STK39: variants seen among roughly 807,000 people sequenced by gnomAD.
The protein encoded by STK39 is serine/threonine kinase 39.
A neutral mutation model predicts 77.8 loss-of-function variants in STK39; 20 were observed. That is an observed-to-expected ratio of 0.26 (90% confidence interval 0.18 to 0.37). STK39 has a LOEUF of 0.37. Ranked by LOEUF, STK39 falls within the 10% of genes least tolerant of loss-of-function variation. STK39 has a pLI of 1.00. For missense variants in STK39, 479 were observed against 656.5 expected (o/e 0.73, Z 2.95); for synonymous variants, 246 against 234.1 (o/e 1.05, Z -0.47).
chr2:168,236,191 T>G (rs920327829), intron 1 of STK39, among the ~76,000 whole-genome samples: 1 of 152,218 alleles, frequency 6.6e-6, no homozygotes, highest in Non-Finnish European at 1.5e-5. Flanking sequence ...TCATTTGCAT[T>G]TCTCTGATAG....
intron 14 of STK39, among the ~76,000 whole-genome samples, chr2:168,030,763 A>C (rs1327681546): frequency 1.3e-5 from 2 of 152,192 alleles, no homozygotes; most frequent in Non-Finnish European, 1.5e-5. Context: ...AGGATGAATG[A>C]CCCTTGGGCA....
intron 10 of STK39, among the ~76,000 whole-genome samples, chr2:168,079,022 C>T (rs559917627): frequency 6.6e-6 from 1 of 152,310 alleles, no homozygotes; most frequent in East Asian, 1.9e-4. Context: ...AGGCATACTA[C>T]TGATGAGAAG....
chr2:168,222,355 T>G (rs1690194363), intron 1 of STK39, among the ~76,000 whole-genome samples: 1 of 152,204 alleles, frequency 6.6e-6, no homozygotes, highest in African/African-American at 2.4e-5. Context: ...TGCTGCTTTA[T>G]GCAACTTATT....
chr2:168,145,203 G>A (rs1229814320), intron 5 of STK39, among the ~76,000 whole-genome samples: 1 of 152,172 alleles, frequency 6.6e-6, no homozygotes, highest in Non-Finnish European at 1.5e-5. Context: ...CAAAGCACAA[G>A]TGTGGAGCCA....
chr2:168,218,037 T>G (rs1057360406), intron 1 of STK39, among the ~76,000 whole-genome samples: 3 of 152,212 alleles, frequency 2.0e-5, no homozygotes, highest in Non-Finnish European at 2.9e-5. Flanking sequence ...CTAAGATATG[T>G]AGGATCATAT....
chr2:168,140,084 T>G (rs1455644132), intron 7 of STK39, among the ~76,000 whole-genome samples: 1 of 152,218 alleles, frequency 6.6e-6, no homozygotes, highest in Non-Finnish European at 1.5e-5. Context: ...GTGCTGAGAC[T>G]ATAAAGCAAG....
chr2:168,217,707 G>A (rs1690060938), intron 1 of STK39, among the ~76,000 whole-genome samples: 1 of 152,118 alleles, frequency 6.6e-6, no homozygotes, highest in African/African-American at 2.4e-5. Flanking sequence ...TATGTAAACA[G>A]ATGTTATACT....
At chr2:168,080,952 C>T (rs1401785848) in intron 10 of STK39, among the ~76,000 whole-genome samples, 1 of 152,210 alleles carries the variant, frequency 6.6e-6, no homozygotes. Context: ...AAGTCAAGAA[C>T]TGGGAACCTC....
intron 5 of STK39, among the ~76,000 whole-genome samples, chr2:168,145,368 GGA>G (rs1360776687): frequency 1.3e-5 from 2 of 152,110 alleles, no homozygotes; most frequent in Non-Finnish European, 2.9e-5. Context: ...GGAGACTTTA[GGA>G]GTGCTGGGCC....
intron 2 of STK39, among the ~76,000 whole-genome samples, chr2:168,169,078 A>G (rs544678927): frequency 6.6e-6 from 1 of 152,212 alleles, no homozygotes; most frequent in Non-Finnish European, 1.5e-5. Flanking sequence ...TCAGTATATA[A>G]CAATGATTTT....
intron 10 of STK39, among the ~76,000 whole-genome samples, chr2:168,085,657 G>A (rs1209270783): frequency 6.6e-6 from 1 of 152,192 alleles, no homozygotes; most frequent in African/African-American, 2.4e-5. Context: ...TGGAAGAGAT[G>A]TAAGTTGTTG....
At chr2:168,093,055 C>A (rs1183975812) in intron 10 of STK39, among the ~76,000 whole-genome samples, 1 of 152,182 alleles carries the variant, frequency 6.6e-6, no homozygotes. Context: ...GGAAGCCCTG[C>A]AAGAATCTCT....
chr2:168,118,720 C>CA (rs1212899090), intron 10 of STK39, among the ~76,000 whole-genome samples: 1 of 152,040 alleles, frequency 6.6e-6, no homozygotes, highest in African/African-American at 2.4e-5. Flanking sequence ...AATTCACCCC[C>CA]AGTGCGAACA....
intron 16 of STK39, among the ~76,000 whole-genome samples, chr2:168,001,316 C>T (rs906681073): frequency 4.0e-5 from 6 of 148,478 alleles, no homozygotes; most frequent in Non-Finnish European, 7.4e-5. Context: ...TGGGCACAAA[C>T]GTTGATGATA....
intron 16 of STK39, among the ~76,000 whole-genome samples, chr2:167,998,922 G>C (rs922138111): frequency 6.6e-6 from 1 of 152,340 alleles, no homozygotes; most frequent in South Asian, 2.1e-4. Context: ...AAACGCGTCT[G>C]AAGGAAAGCA....
At chr2:168,013,592 T>A (rs1318180213) in intron 15 of STK39, among the ~76,000 whole-genome samples, 1 of 152,200 alleles carries the variant, frequency 6.6e-6, no homozygotes, top group East Asian at 1.9e-4. Context: ...AAGAAGAAAC[T>A]GGCTCAGCAG....
At chr2:168,007,737 G>C (rs2105306828) in intron 16 of STK39, among the ~76,000 whole-genome samples, 1 of 152,216 alleles carries the variant, frequency 6.6e-6, no homozygotes, top group South Asian at 2.1e-4. Context: ...GGCTGGGGTG[G>C]GGTGAGCAAG....
At chr2:168,040,354 A>G (rs1685072062) in intron 14 of STK39, among the ~76,000 whole-genome samples, 1 of 152,232 alleles carries the variant, frequency 6.6e-6, no homozygotes, top group Non-Finnish European at 1.5e-5. Context: ...AAAGGAAAAT[A>G]TAAACCCTTA....
At chr2:168,175,191 G>A (rs1688926405) in intron 2 of STK39, among the ~76,000 whole-genome samples, 1 of 152,074 alleles carries the variant, frequency 6.6e-6, no homozygotes, top group African/African-American at 2.4e-5. Flanking sequence ...AATAACATAG[G>A]AAAGAACTAA....
Sources: gnomAD v4.1 joint callset for allele counts (sites outside exome capture counted in the v4.1 genomes callset) on GRCh38, gnomAD v4.1.1 for gene constraint, MANE v1.5 for transcripts, NCBI Gene and HGNC (gene_info 2026-07-23, HGNC 2026-07-21) for gene names.